The following KCNG2 variants were observed in gnomAD, a reference collection of about 807,000 sequenced individuals.
KCNG2 encodes voltage-gated potassium channel regulatory subunit KCNG2.
In KCNG2, 7 loss-of-function variants were observed where a neutral mutation model predicts 12.3. That is an observed-to-expected ratio of 0.57 (90% confidence interval 0.32 to 1.07). The LOEUF (loss-of-function observed/expected upper bound fraction) is 1.07, where lower values mean the gene tolerates loss of function less well. KCNG2 is among the 50% of genes least tolerant of loss of function. KCNG2 has a pLI of 0.04. For missense variants in KCNG2, 703 were observed against 726.0 expected (o/e 0.97, Z 0.36); for synonymous variants, 414 against 351.4 (o/e 1.18, Z -1.99).
chr18:79,819,101 C>A (rs2087551820), intron 1 of KCNG2, among the ~76,000 whole-genome samples: 1 of 152,228 alleles, frequency 6.6e-6, no homozygotes, highest in Non-Finnish European at 1.5e-5. Flanking sequence ...CAGAGAGACT[C>A]GTTCCGCAAC....
chr18:79,875,284 C>G (rs1198921637), intron 3 of KCNG2, among the ~76,000 whole-genome samples: 1 of 152,136 alleles, frequency 6.6e-6, no homozygotes, highest in Non-Finnish European at 1.5e-5. Flanking sequence ...GCCCAGAGCC[C>G]AAATCTGAAC....
intron 1 of KCNG2, among the ~76,000 whole-genome samples, chr18:79,829,562 CGTCTCTGCCTCCCTATGGCTGGTCA>C (rs1978290232): frequency 6.6e-6 from 1 of 152,038 alleles, no homozygotes; most frequent in African/African-American, 2.4e-5. Context: ...CACATCGGTC[CGTCTCTGCCTCCCTATGGCTGGTCA>C]GTCTCTGCCT....
chr18:79,845,813 G>T (rs915888965), intron 1 of KCNG2, among the ~76,000 whole-genome samples: 1 of 152,232 alleles, frequency 6.6e-6, no homozygotes, highest in Non-Finnish European at 1.5e-5. Context: ...GTGGCTGGGC[G>T]CAGTGGCTCA....
intron 1 of KCNG2, among the ~76,000 whole-genome samples, chr18:79,804,218 T>G (rs1040206653): frequency 6.6e-6 from 1 of 152,180 alleles, no homozygotes; most frequent in African/African-American, 2.4e-5. Context: ...GCTACAAGAA[T>G]AGGGCATTTG....
At position 79,878,816 on chromosome 18, in the gene KCNG2, C is replaced by T. The variant is rs140659364; in HGVS notation, c.624+14525C>T. ...GATACAGTGACCGATGGGCGCTTTC[C>T]GCACGAAGGAAGATGGTGGCCGTGG... On this transcript the variant is annotated intron_variant, in intron 3 of 3. Coordinates refer to ENST00000316249, the MANE Select transcript of KCNG2 (RefSeq NM_012283.2). Among the ~76,000 whole-genome samples, 443 of 152,332 alleles carry T rather than the reference C, an allele frequency of 2.9e-3. 3 individuals carry two copies. Among genetic ancestry groups the T allele is most frequent in the African/African-American group, 9.4e-3 (389 of 41,574 alleles).
At chr18:79,853,105 C>T (rs955676137) in intron 1 of KCNG2, among the ~76,000 whole-genome samples, 2 of 152,208 alleles carry the variant, frequency 1.3e-5, no homozygotes, top group Non-Finnish European at 2.9e-5. Flanking sequence ...GTCCTGGTCA[C>T]TTGTGTGTGC....
chr18:79,849,167 G>A (rs7235226), intron 1 of KCNG2, among the ~76,000 whole-genome samples: 7,978 of 152,190 alleles, frequency 0.052, 326 homozygotes, highest in East Asian at 0.1. Context: ...CCCTTAGAGG[G>A]AGCCCAGACC....
chr18:79,899,280 C>G lies in KCNG2; in HGVS notation c.865C>G (p.Leu289Val). The change falls in exon 4 of 4, where the codon CTG becomes GTG. Residue 289 changes from leucine to valine, a missense_variant. By Grantham distance (32) the Leu-to-Val change is conservative. Transcript: ENST00000316249. ...GGAGCGCGCGGGGCTGGTGCTGCGG[C>G]TGCTGCGTGCGCTGCGCGTGCTCTA... ...LLERAGLVLRLLRALRVLYVM... is the reference protein window; with the variant it reads ...LLERAGLVLRVLRALRVLYVM... 5 of 1,575,604 alleles carry G rather than the reference C, an allele frequency of 3.2e-6. No homozygotes were observed. Among genetic ancestry groups the G allele is most frequent in the Non-Finnish European group, 4.3e-6 (5 of 1,169,208 alleles).
chr18:79,832,660 C>G (rs537962), intron 1 of KCNG2, among the ~76,000 whole-genome samples: 46,028 of 152,122 alleles, frequency 0.3, 7,916 homozygotes, highest in South Asian at 0.52. Context: ...ATCATTCGCC[C>G]TGATTTCCAG....
At chr18:79,816,568 C>G (rs1291777095) in intron 1 of KCNG2, 2 of 152,224 alleles carry the variant, frequency 1.3e-5, no homozygotes, top group African/African-American at 2.4e-5. Flanking sequence ...TTGAGTTATT[C>G]CAGCTCCCTG....
At chr18:79,825,095 G>GT (rs34902366) in intron 1 of KCNG2, among the ~76,000 whole-genome samples, 137,484 of 152,160 alleles carry the variant, frequency 0.9, 63,810 homozygotes, top group East Asian at 1. Context: ...TTAGTGCTTT[G>GT]ATAGGACAGT....
intron 1 of KCNG2, among the ~76,000 whole-genome samples, 125 bp from the exon 2 acceptor site, chr18:79,856,254 C>A (rs1483982278): frequency 1.3e-5 from 2 of 152,202 alleles, no homozygotes; most frequent in African/African-American, 2.4e-5. Flanking sequence ...GTCAACCTGT[C>A]CTGCAAGCCT....
At chr18:79,854,596 G>A (rs1260131745) in intron 1 of KCNG2, among the ~76,000 whole-genome samples, 1 of 144,186 alleles carries the variant, frequency 6.9e-6, no homozygotes, top group Non-Finnish European at 1.5e-5. Context: ...GCGTGATCTT[G>A]GCTCACTGCA....
At chr18:79,828,824 G>A (rs1266617788) in intron 1 of KCNG2, among the ~76,000 whole-genome samples, 1 of 127,258 alleles carries the variant, frequency 7.9e-6, no homozygotes, top group Non-Finnish European at 1.7e-5. Context: ...GTGTGCGTGT[G>A]TGTAACATGT....
chr18:79,880,684 T>C (rs922052256), intron 3 of KCNG2, among the ~76,000 whole-genome samples: 1 of 152,156 alleles, frequency 6.6e-6, no homozygotes, highest in Non-Finnish European at 1.5e-5. Flanking sequence ...CATGAACTCA[T>C]GCGAAACTCC....
intron 1 of KCNG2, among the ~76,000 whole-genome samples, chr18:79,815,853 G>A (rs772618247): frequency 1.3e-5 from 2 of 152,324 alleles, no homozygotes; most frequent in Non-Finnish European, 2.9e-5. Flanking sequence ...GGCACCCACC[G>A]CCCTGGAGCT....
rs150980807 is a variant in KCNG2 at position 79,874,818 on chromosome 18, C to T, written c.624+10527C>T. On this transcript the variant is annotated intron_variant, in intron 3 of 3. Transcript: ENST00000316249. ...CGGGTCCCTTTCCAGGGCTCTGCCA[C>T]GGTCACGTGTGCTCCTGCCCCGTTG... 4.8e-3 allele frequency among the ~76,000 whole-genome samples: 737 copies of T among 152,332 alleles called. 9 individuals are homozygous for T. Among genetic ancestry groups the T allele is most frequent in the African/African-American group, 0.016 (672 of 41,578 alleles).
chr18:79,834,448 G>A (rs1008607409), intron 1 of KCNG2, among the ~76,000 whole-genome samples: 8 of 152,128 alleles, frequency 5.3e-5, no homozygotes, highest in Non-Finnish European at 1.2e-4. Flanking sequence ...ACTTTGTTGG[G>A]GTGATCAGAC....
chr18:79,889,891 G>A (rs573130132), intron 3 of KCNG2, among the ~76,000 whole-genome samples: 27 of 152,286 alleles, frequency 1.8e-4, no homozygotes, highest in African/African-American at 3.8e-4. Flanking sequence ...CCCTTTTTGC[G>A]GAGGTTTCCT....
Sources: allele counts gnomAD v4.1 joint callset (sites outside exome capture counted in the v4.1 genomes callset), GRCh38; gene constraint gnomAD v4.1.1; transcripts MANE v1.5; gene names NCBI Gene and HGNC (gene_info 2026-07-23, HGNC 2026-07-21).